The following PLEC variants were observed in gnomAD, a reference collection of about 807,000 sequenced individuals.
PLEC encodes hemidesmosomal protein 1.
Under a neutral mutation model 392.8 loss-of-function variants are expected in PLEC, and 216 were observed. The ratio of observed to expected loss-of-function variants is 0.55; its 90% CI spans 0.49 to 0.62. PLEC has a LOEUF of 0.62. Ranked by LOEUF, PLEC falls within the 20% of genes least tolerant of loss-of-function variation. The pLI is 0.00. For synonymous variants in PLEC, 3,621 were observed against 2,980.6 expected (o/e 1.21, Z -7.00); for missense variants, 6,863 against 6,563.4 (o/e 1.05, Z -1.58).
Position 143,916,790 on chromosome 8 carries a change from A to G in PLEC, c.13031T>C (p.Ile4344Thr). The G allele has an allele frequency of 6.2e-7, 1 of 1,613,176 alleles. No homozygotes were observed. Among genetic ancestry groups the G allele is most frequent in the East Asian group, 2.2e-5 (1 of 44,826 alleles). ...DAVNKGLVDK[I>T]MVDRINLAQK... ...GGCCAGGTTGATGCGGTCCACCATG[A>G]TCTTGTCCACCAGGCCCTTGTTGAC... Residue 4344 changes from isoleucine (I) to threonine (T), a missense_variant, in exon 32 of 32, where the codon ATC becomes ACC. Coordinates refer to ENST00000345136, the MANE Select transcript of PLEC (RefSeq NM_201384.3).
chr8:143,932,746 C>T (rs1554718018), intron 14 of PLEC, 34 bp from the exon 15 acceptor site: 1 of 1,608,564 alleles, frequency 6.2e-7, no homozygotes, highest in Non-Finnish European at 8.5e-7. Context: ...TCTGCAGTGG[C>T]TGGGCCCGGC....
upstream of PLEC, among the ~76,000 whole-genome samples, chr8:143,943,143 G>A (rs1387384818): frequency 1.3e-5 from 2 of 152,222 alleles, no homozygotes; most frequent in African/African-American, 4.8e-5. Flanking sequence ...TCCAGCAGAG[G>A]AGCTGAGCCA....
At chr8:143,975,396 G>A, upstream of PLEC, 1 of 1,595,652 alleles carries the variant, frequency 6.3e-7, no homozygotes, top group Non-Finnish European at 8.5e-7. This position sits in a 1 kb window ranked among gnomAD's most constrained non-coding sequence, Gnocchi z 9.9. Context: ...AGCAGGAGGG[G>A]TCACATCTCT....
rs781926831 is a variant in PLEC, at chr8:143,933,134, T to A, written c.1419-23A>T. 5.6e-6 allele frequency: 9 copies of A among 1,603,012 alleles called. No individual in the cohort carries two copies. In the Admixed American group the frequency reaches 1.5e-4, roughly 27 times the overall value. On this transcript the variant is annotated intron_variant, in intron 13 of 31. Transcript: ENST00000345136. ...ACCCTGGGGCAGCAGAGGACTCAGG[T>A]AGGTGTTGGCGGGCCTGGGGCCGTG...
At chr8:143,936,328 C>T (rs574953057) in intron 5 of PLEC, among the ~76,000 whole-genome samples, 2 of 152,322 alleles carry the variant, frequency 1.3e-5, no homozygotes, top group African/African-American at 4.8e-5. Context: ...CTAGGCTGCA[C>T]CCTGCACCTC....
In PLEC at chr8:143,938,708, C is replaced by G. The variant is rs1564173750; in HGVS notation, c.113-16G>C. 1.2e-6 allele frequency: 2 copies of G among 1,613,224 alleles called. No homozygotes were observed. The highest frequency in any genetic ancestry group is 1.7e-6 in the Non-Finnish European group (2 of 1,179,506). ...TCCCGCTCATCTGGGGGAGACAAGACCAGCTTACCTGGGGCCTGGGAGAAG... is the reference window on the plus strand; with the variant it reads ...TCCCGCTCATCTGGGGGAGACAAGAGCAGCTTACCTGGGGCCTGGGAGAAG... On this transcript the variant is annotated splice_polypyrimidine_tract_variant and intron_variant, in intron 1 of 31. Transcript: ENST00000345136.
chr8:143,960,197 G>C (rs879958807), intron 1 of PLEC, among the ~76,000 whole-genome samples: 13 of 151,920 alleles, frequency 8.6e-5, no homozygotes, highest in Admixed American at 2.6e-4. Context: ...CAGAAGAATC[G>C]CTTGAACTCG....
intron 12 of PLEC, 62 bp from the exon 13 acceptor site, chr8:143,933,413 C>T (rs1347037089): frequency 6.9e-6 from 11 of 1,588,338 alleles, no homozygotes; most frequent in Admixed American, 1.7e-5. Context: ...ACAGGGGCCC[C>T]GGCCAAGACG....
At chr8:143,933,838 G>C (rs942183218) in intron 12 of PLEC, among the ~76,000 whole-genome samples, 160 bp downstream of exon 12, 2 of 152,220 alleles carry the variant, frequency 1.3e-5, no homozygotes. Context: ...CACGAGGAGG[G>C]AGGAGCTCAG....
chr8:143,942,176 C>A (rs1410952034), upstream of PLEC, among the ~76,000 whole-genome samples: 1 of 152,042 alleles, frequency 6.6e-6, no homozygotes, highest in African/African-American at 2.4e-5. Flanking sequence ...AGCCCCGCCC[C>A]CTCCAGCCCC....
chr8:143,933,130 C>A lies in PLEC; in HGVS notation c.1419-19G>T. The A allele has an allele frequency of 6.2e-7, 1 of 1,602,582 alleles. No individual in the cohort carries two copies. ...GTACACCCTGGGGCAGCAGAGGACT[C>A]AGGTAGGTGTTGGCGGGCCTGGGGC... is the stretch of plus-strand genomic sequence containing the variant. On this transcript the variant is annotated intron_variant, in intron 13 of 31. Coordinates refer to ENST00000345136, the MANE Select transcript of PLEC (RefSeq NM_201384.3).
upstream of PLEC, among the ~76,000 whole-genome samples, chr8:143,953,276 A>G (rs1429340636): frequency 2.3e-5 from 3 of 128,808 alleles, no homozygotes; most frequent in Non-Finnish European, 4.9e-5. Flanking sequence ...CCCCAAGACA[A>G]AGAGCCGCAG....
At position 143,969,114 on chromosome 8, in the gene PLEC, C is replaced by T. The variant is rs782696159; in HGVS notation, c.70+4289G>A. Among the ~76,000 whole-genome samples the T allele has an allele frequency of 5.9e-5, 9 of 152,180 alleles. No homozygotes were observed. Among genetic ancestry groups the T allele is most frequent in the Admixed American group, 2.0e-4 (3 of 15,282 alleles). On this transcript the variant is annotated intron_variant, in intron 1 of 31. Transcript: ENST00000356346. The surrounding 1 kb of genome is among the most constrained non-coding windows in gnomAD (Gnocchi z 5.1). ...CAAAAGGTGGAAACAACCCACTATC[C>T]GTCAACTGATAAACGCATAAGCAAA...
In PLEC at chr8:143,919,781, A is replaced by G. The variant is rs1821909784; in HGVS notation, c.10040T>C (p.Val3347Ala). ...GCCACTGCCCTGCAGCAGCGTCCGC[A>G]CGGAGCCCAGCTCCGAAAGGTCCTT... ...TVKDLSELGSVRTLLQGSGCL... is the reference protein window; with the variant it reads ...TVKDLSELGSARTLLQGSGCL... The change falls in exon 32 of 32, where the codon GTG becomes GCG. Residue 3347 changes from valine (V) to alanine (A), a missense_variant. By Grantham distance (64) the Val-to-Ala change is moderately conservative. Coordinates refer to ENST00000345136, the MANE Select transcript of PLEC (RefSeq NM_201384.3). 1 of 1,612,334 alleles carries G rather than the reference A, an allele frequency of 6.2e-7. No individual in the cohort carries two copies. The highest frequency in any genetic ancestry group is 1.3e-5 in the African/African-American group (1 of 74,930).
At chr8:143,940,745 A>T (rs2132392696), upstream of PLEC, among the ~76,000 whole-genome samples, 1 of 152,254 alleles carries the variant, frequency 6.6e-6, no homozygotes, top group South Asian at 2.1e-4. Flanking sequence ...ACTGCCCCTG[A>T]GGCCGTGAGG....
At chr8:143,925,970 C>T (rs1386616592) in intron 30 of PLEC, 86 bp from the exon 31 acceptor site, 14 of 1,395,036 alleles carry the variant, frequency 1.0e-5, no homozygotes, top group Admixed American at 2.0e-5. Flanking sequence ...GCACAGTTCA[C>T]TCAGACAGCG....
Position 143,926,871 on chromosome 8 carries a change from C to T in PLEC, c.3957G>A (p.Leu1319=), listed in dbSNP as rs1554706139. The T allele has an allele frequency of 1.9e-6, 3 of 1,612,994 alleles. No individual in the cohort carries two copies. The highest frequency in any genetic ancestry group is 2.5e-6 in the Non-Finnish European group (3 of 1,179,520). ...SESVIQEYVD[L]RTHYSELTTL... ...TGGTCAGCTCGCTGTAGTGCGTACG[C>T]AGGTCCACGTACTGTGGAGTAGAGC... is the stretch of plus-strand genomic sequence containing the variant. The change falls in exon 30 of 32, where the codon CTG becomes CTA. Residue 1319 remains leucine (L), a synonymous_variant. Coordinates refer to ENST00000345136, the MANE Select transcript of PLEC (RefSeq NM_201384.3).
rs550321764 is a variant in PLEC, at chr8:143,925,993, C to T, written c.4045-109G>A. ...CACTCAGACAGCGCGGAGCAGGGGT[C>T]GGGGAAGACAGAGGCCCCAGCCCGG... On this transcript the variant is annotated intron_variant, in intron 30 of 31. Transcript: ENST00000345136. 1.1e-3 allele frequency: 1,439 copies of T among 1,262,898 alleles called. 2 individuals are homozygous for T. The highest frequency in any genetic ancestry group is 1.3e-3 in the Non-Finnish European group (1,215 of 901,088). The allele number at this position is 1,262,898 out of a possible 1,614,324, so 78.2% of individuals were successfully genotyped here. A position where few individuals can be genotyped will look rare whatever the true frequency, so the allele number is the denominator to read the frequency against.
intron 1 of PLEC, 66 bp from the exon 2 acceptor site, chr8:143,938,758 C>CG (rs1829765858): frequency 2.9e-6 from 4 of 1,378,894 alleles, no homozygotes; most frequent in African/African-American, 1.4e-5. Flanking sequence ...AGGTGACCAC[C>CG]GTGCAGACAC....
Sources: allele counts gnomAD v4.1 joint callset (sites outside exome capture counted in the v4.1 genomes callset), GRCh38; gene constraint gnomAD v4.1.1; non-coding constraint Gnocchi (gnomAD v3.1); transcripts MANE v1.5; gene names NCBI Gene and HGNC (gene_info 2026-07-23, HGNC 2026-07-21).